Variants in STAT4 observed in about 807,000 individuals in gnomAD.
STAT4 encodes the protein signal transducer and activator of transcription 4.
Under a neutral mutation model 110.5 loss-of-function variants are expected in STAT4, and 42 were observed. The observed-to-expected ratio is 0.38, with a 90% CI of 0.30 to 0.49. The LOEUF is 0.49. Among genes scored for constraint, STAT4 ranks in the 20% least tolerant of loss-of-function variants. The pLI, the probability that STAT4 is intolerant of heterozygous loss-of-function variation, is 0.95. For missense variants in STAT4, 632 were observed against 887.9 expected (o/e 0.71, Z 3.66); for synonymous variants, 284 against 302.2 (o/e 0.94, Z 0.63).
rs540599364 is a variant in STAT4, at chr2:191,082,780, T to C, written c.274-6455A>G. 1.3e-5 allele frequency among the ~76,000 whole-genome samples: 2 copies of C among 152,278 alleles called. No individual in the cohort carries two copies. The highest frequency in any genetic ancestry group is 2.4e-5 in the African/African-American group (1 of 41,560). ...CAAGAAGTTCCAGAGTCAGAAGTAA[T>C]AGATGTGAGAAGCCCTGTTCAAAAT... On this transcript the variant is annotated intron_variant, in intron 3 of 23. Transcript: ENST00000392320. This position sits in a 1 kb window ranked among gnomAD's most constrained non-coding sequence, Gnocchi z 4.7.
At chr2:191,049,467 T>C (rs1696459568) in intron 14 of STAT4, among the ~76,000 whole-genome samples, 1 of 152,036 alleles carries the variant, frequency 6.6e-6, no homozygotes, top group South Asian at 2.1e-4. Context: ...TGAGCCACCA[T>C]GCCTGGCCAA....
chr2:191,125,560 T>G (rs1698860960), intron 3 of STAT4, among the ~76,000 whole-genome samples: 1 of 151,300 alleles, frequency 6.6e-6, no homozygotes, highest in Non-Finnish European at 1.5e-5. Context: ...CAATCGTAAC[T>G]TGCTGTAACC....
rs1406836768 is a variant in STAT4, at chr2:191,107,353, C to A, written c.274-31028G>T. 6.6e-6 allele frequency among the ~76,000 whole-genome samples: 1 copy of A among 152,110 alleles called. No homozygotes were observed. Among genetic ancestry groups the A allele is most frequent in the African/African-American group, 2.4e-5 (1 of 41,414 alleles). ...GTTAACAATCTTAAAGAAAAATATT[C>A]ATAAAATAATATTTATTGAGCACTT... On this transcript the variant is annotated intron_variant, in intron 3 of 23. Coordinates refer to ENST00000392320, the MANE Select transcript of STAT4 (RefSeq NM_003151.4). This position sits in a 1 kb window ranked among gnomAD's most constrained non-coding sequence, Gnocchi z 4.2.
Position 191,140,170 on chromosome 2 carries a change from C to T in STAT4, c.273+6443G>A, listed in dbSNP as rs534332565. Reference sequence around the variant, plus strand: ...AGAACATAACATTGGAAAAATACTTCTAGGCATTGGCTTAGGCAAAGAATT... The same window carrying T: ...AGAACATAACATTGGAAAAATACTTTTAGGCATTGGCTTAGGCAAAGAATT... On this transcript the variant is annotated intron_variant, in intron 3 of 23. Coordinates refer to ENST00000392320, the MANE Select transcript of STAT4 (RefSeq NM_003151.4). This position sits in a 1 kb window ranked among gnomAD's most constrained non-coding sequence, Gnocchi z 4.4. 4.6e-5 allele frequency among the ~76,000 whole-genome samples: 7 copies of T among 152,316 alleles called. No individual in the cohort carries two copies. Among genetic ancestry groups the T allele is most frequent in the African/African-American group, 1.7e-4 (7 of 41,570 alleles).
intron 3 of STAT4, among the ~76,000 whole-genome samples, chr2:191,139,182 C>G (rs113243943): frequency 1.6e-4 from 25 of 152,010 alleles, no homozygotes; most frequent in African/African-American, 5.8e-4. Flanking sequence ...CCCCCGAGAG[C>G]TGGAACAAGG....
Position 191,110,874 on chromosome 2 carries a change from C to A in STAT4, c.274-34549G>T, listed in dbSNP as rs908855572. Among the ~76,000 whole-genome samples the A allele has an allele frequency of 6.6e-6, 1 of 152,186 alleles. No individual in the cohort carries two copies. The highest frequency in any genetic ancestry group is 2.4e-5 in the African/African-American group (1 of 41,448). On this transcript the variant is annotated intron_variant, in intron 3 of 23. Transcript: ENST00000392320. The surrounding 1 kb of genome is among the most constrained non-coding windows in gnomAD (Gnocchi z 4.5). ...TCTCGTCTCACTGCAACCTCTGCCT[C>A]CTGGGTTCAAGCGATTCCCCTGCCT...
rs1033648584 is a variant in STAT4 at position 191,030,801 on chromosome 2, A to T, written c.2220+171T>A. The T allele has an allele frequency of 3.4e-6, 2 of 583,050 alleles. No individual in the cohort carries two copies. The highest frequency in any genetic ancestry group is 6.1e-6 in the Non-Finnish European group (2 of 328,840). 36.1% of individuals were successfully genotyped at this position (583,050 alleles called of 1,614,324 possible). A position where few individuals can be genotyped will look rare whatever the true frequency, so the allele number is the denominator to read the frequency against. On this transcript the variant is annotated intron_variant, in intron 23 of 23. Coordinates refer to ENST00000392320, the MANE Select transcript of STAT4 (RefSeq NM_003151.4). This position sits in a 1 kb window ranked among gnomAD's most constrained non-coding sequence, Gnocchi z 4.4. Reference sequence around the variant, plus strand: ...GGTGTCTGCTTTCAATACGCATAATATCAGCAACACGCAGGACCATCCAGA... The same window carrying T: ...GGTGTCTGCTTTCAATACGCATAATTTCAGCAACACGCAGGACCATCCAGA...
chr2:191,071,620 TG>T (rs1697155330), intron 5 of STAT4, among the ~76,000 whole-genome samples: 1 of 152,152 alleles, frequency 6.6e-6, no homozygotes, highest in Non-Finnish European at 1.5e-5. Context: ...TTGCAAAAGG[TG>T]AAAATACCCA....
chr2:191,130,500 G>T (rs1283162955), intron 3 of STAT4, among the ~76,000 whole-genome samples: 1 of 151,664 alleles, frequency 6.6e-6, no homozygotes, highest in East Asian at 1.9e-4. Context: ...GGGATTACAG[G>T]CATGAGCCAC....
intron 16 of STAT4, among the ~76,000 whole-genome samples, chr2:191,038,793 CTACT>C (rs1250858580): frequency 2.0e-5 from 3 of 152,164 alleles, no homozygotes; most frequent in South Asian, 2.1e-4. Flanking sequence ...GATGAATATT[CTACT>C]TACTTACTTG....
chr2:191,049,588 T>G (rs1574708141), intron 14 of STAT4, among the ~76,000 whole-genome samples: 1 of 152,180 alleles, frequency 6.6e-6, no homozygotes, highest in East Asian at 1.9e-4. Flanking sequence ...AATCCATAAT[T>G]TATTGTAATG....
intron 6 of STAT4, among the ~76,000 whole-genome samples, chr2:191,069,285 A>G (rs934199925): frequency 7.9e-5 from 12 of 152,102 alleles, no homozygotes; most frequent in African/African-American, 2.9e-4. Context: ...TAATCTTAGA[A>G]AATTATATTA....
rs1380043563 is a variant in STAT4, at chr2:191,104,058, T to C, written c.274-27733A>G. On this transcript the variant is annotated intron_variant, in intron 3 of 23. Transcript: ENST00000392320. The surrounding 1 kb of genome is among the most constrained non-coding windows in gnomAD (Gnocchi z 4.3). ...GGTATCAAGGCCTTTGTGATAGCTT[T>C]TTGATGTACAATACTGAAGAAATAA... Among the ~76,000 whole-genome samples the C allele has an allele frequency of 3.3e-5, 5 of 152,156 alleles. No homozygotes were observed. Among genetic ancestry groups the C allele is most frequent in the Non-Finnish European group, 5.9e-5 (4 of 68,008 alleles).
rs1430163975 is a variant in STAT4 at position 191,140,099 on chromosome 2, C to A, written c.273+6514G>T. On this transcript the variant is annotated intron_variant, in intron 3 of 23. Transcript: ENST00000392320. The surrounding 1 kb of genome is among the most constrained non-coding windows in gnomAD (Gnocchi z 4.4). Reference sequence around the variant, plus strand: ...TCAGCCTATACAAAAATCAACTCAACATGGATCAAAGATTTAAATCTAAGA... The same window carrying A: ...TCAGCCTATACAAAAATCAACTCAAAATGGATCAAAGATTTAAATCTAAGA... Among the ~76,000 whole-genome samples the A allele has an allele frequency of 6.6e-6, 1 of 152,144 alleles. No homozygotes were observed. The highest frequency in any genetic ancestry group is 1.9e-4 in the East Asian group (1 of 5,198).
chr2:191,100,303 C>T (rs1362013312), intron 3 of STAT4, among the ~76,000 whole-genome samples: 1 of 152,026 alleles, frequency 6.6e-6, no homozygotes, highest in Non-Finnish European at 1.5e-5. Context: ...GAAATGGAAA[C>T]TGAAGGGATT....
chr2:191,040,508 T>C (rs1338976931), intron 15 of STAT4, among the ~76,000 whole-genome samples: 1 of 152,190 alleles, frequency 6.6e-6, no homozygotes, highest in African/African-American at 2.4e-5. Flanking sequence ...CAACAAATTA[T>C]TTAATGTATA....
intron 3 of STAT4, among the ~76,000 whole-genome samples, chr2:191,124,717 C>T (rs1412146636): frequency 1.3e-5 from 2 of 152,166 alleles, no homozygotes; most frequent in East Asian, 3.8e-4. Context: ...CTGTGTCTAT[C>T]TATGTCAATA....
chr2:191,147,969 A>G lies in STAT4; in HGVS notation c.128+107T>C. ...AATCCTTGAGAAAGTTCTTTACCTG[A>G]AAAGAATGCATCTACTGAGTAAAAA... On this transcript the variant is annotated intron_variant, in intron 2 of 23. Transcript: ENST00000392320. This position sits in a 1 kb window ranked among gnomAD's most constrained non-coding sequence, Gnocchi z 4.1. 2.1e-6 allele frequency: 3 copies of G among 1,455,688 alleles called. No homozygotes were observed. Among genetic ancestry groups the G allele is most frequent in the East Asian group, 4.8e-5 (2 of 41,522 alleles). 90.2% of individuals were successfully genotyped at this position (1,455,688 alleles called of 1,614,324 possible).
At chr2:191,103,237 C>G (rs1324045475) in intron 3 of STAT4, among the ~76,000 whole-genome samples, 1 of 151,960 alleles carries the variant, frequency 6.6e-6, no homozygotes, top group Non-Finnish European at 1.5e-5. Flanking sequence ...TTTTTAGGTC[C>G]CAGGCATGTG....
Sources: gnomAD v4.1 joint callset for allele counts (sites outside exome capture counted in the v4.1 genomes callset) on GRCh38, gnomAD v4.1.1 for gene constraint, Gnocchi (gnomAD v3.1) non-coding constraint, MANE v1.5 for transcripts, NCBI Gene and HGNC (gene_info 2026-07-23, HGNC 2026-07-21) for gene names.